Variants in CCSER1 observed in about 807,000 individuals in gnomAD.
CCSER1 encodes serine-rich coiled-coil domain-containing protein 1.
CCSER1 carries 41 observed loss-of-function variants against 82.0 expected under a neutral mutation model. The observed-to-expected ratio is 0.50, with a 90% CI of 0.39 to 0.65. CCSER1 has a LOEUF of 0.65. Among genes scored for constraint, CCSER1 ranks in the 30% least tolerant of loss-of-function variants. The pLI, the probability that CCSER1 is intolerant of heterozygous loss-of-function variation, is 0.00. For missense variants in CCSER1, 1,119 were observed against 1,064.2 expected (o/e 1.05, Z -0.72); for synonymous variants, 414 against 383.9 (o/e 1.08, Z -0.92).
At chr4:91,071,101 G>A (rs1721385912) in intron 9 of CCSER1, among the ~76,000 whole-genome samples, 1 of 152,142 alleles carries the variant, frequency 6.6e-6, no homozygotes, top group African/African-American at 2.4e-5. Flanking sequence ...ATACATGGAT[G>A]CTTAGAAAAG....
At chr4:90,154,344 A>G (rs902906458) in intron 1 of CCSER1, among the ~76,000 whole-genome samples, 5 of 152,138 alleles carry the variant, frequency 3.3e-5, no homozygotes, top group African/African-American at 1.2e-4. Context: ...TTGGCTTAGG[A>G]TTGACGTGGC....
chr4:90,711,038 T>C (rs1044329930), intron 6 of CCSER1, among the ~76,000 whole-genome samples: 1 of 152,144 alleles, frequency 6.6e-6, no homozygotes, highest in East Asian at 1.9e-4. Flanking sequence ...CTTGAAGATA[T>C]CCTTCACTTC....
At chr4:91,481,885 G>A (rs546298500) in intron 10 of CCSER1, among the ~76,000 whole-genome samples, 1 of 151,972 alleles carries the variant, frequency 6.6e-6, no homozygotes, top group Admixed American at 6.6e-5. Flanking sequence ...TCTGACAAAG[G>A]GCTAATATCT....
chr4:91,367,251 A>C (rs1332425549), intron 10 of CCSER1, among the ~76,000 whole-genome samples: 3 of 139,324 alleles, frequency 2.2e-5, no homozygotes, highest in Admixed American at 7.5e-5. Flanking sequence ...CAGGAGGTGG[A>C]GGTTGCAGTG....
chr4:90,910,139 C>G (rs542631914), intron 8 of CCSER1, among the ~76,000 whole-genome samples: 1 of 152,128 alleles, frequency 6.6e-6, no homozygotes, highest in East Asian at 1.9e-4. Context: ...GTGGGAAGGG[C>G]CATCCTTTTA....
At chr4:90,781,034 GA>G (rs1432448449) in intron 7 of CCSER1, 5 of 176,662 alleles carry the variant, frequency 2.8e-5, no homozygotes, top group Non-Finnish European at 5.5e-5. Context: ...ACAGAAACAA[GA>G]ACAAGGAAGG....
intron 8 of CCSER1, among the ~76,000 whole-genome samples, chr4:90,894,214 TTC>T (rs1723367178): frequency 6.6e-6 from 1 of 152,056 alleles, no homozygotes; most frequent in Non-Finnish European, 1.5e-5. Context: ...CAAAATTGTA[TTC>T]TGTTATGAAT....
chr4:90,398,754 C>T (rs1417262519), intron 3 of CCSER1, among the ~76,000 whole-genome samples: 3 of 152,114 alleles, frequency 2.0e-5, no homozygotes, highest in African/African-American at 7.2e-5. Flanking sequence ...TTATTCATTA[C>T]CTTCGTTTGG....
At chr4:91,325,059 C>T (rs1746458432) in intron 10 of CCSER1, 2 of 406,856 alleles carry the variant, frequency 4.9e-6, no homozygotes, top group South Asian at 1.8e-5. Context: ...ACCTGTGGGG[C>T]AAGGGGCTTG....
intron 8 of CCSER1, among the ~76,000 whole-genome samples, chr4:90,862,730 G>T (rs1765247254): frequency 6.6e-6 from 1 of 151,710 alleles, no homozygotes; most frequent in East Asian, 1.9e-4. Flanking sequence ...TATGTAGCTG[G>T]ACTCCACAAA....
intron 1 of CCSER1, among the ~76,000 whole-genome samples, chr4:90,257,104 G>A (rs183447688): frequency 6.6e-6 from 1 of 152,108 alleles, no homozygotes; most frequent in Admixed American, 6.6e-5. Context: ...GAAAATAGTG[G>A]TGGTCTTAAC....
intron 10 of CCSER1, among the ~76,000 whole-genome samples, chr4:91,172,571 TG>T (rs1732872286): frequency 6.6e-6 from 1 of 152,208 alleles, no homozygotes; most frequent in African/African-American, 2.4e-5. Context: ...TCATCTCACA[TG>T]CCGGGTGCTT....
At chr4:91,382,572 T>C (rs760792699) in intron 10 of CCSER1, among the ~76,000 whole-genome samples, 5 of 152,050 alleles carry the variant, frequency 3.3e-5, no homozygotes, top group African/African-American at 1.2e-4. Context: ...AGTATTAGGG[T>C]GAGAGTGACC....
In CCSER1 at chr4:90,322,505, A is replaced by G. The variant is rs533357570; in HGVS notation, c.1509+9458A>G. On this transcript the variant is annotated intron_variant, in intron 3 of 10. Coordinates refer to ENST00000509176, the MANE Select transcript of CCSER1 (RefSeq NM_001145065.2). ...ATCAAAATTTTAGGATCATTTTTCT[A>G]TATCTGTGAAGAATGTCATTAGTAT... Among the ~76,000 whole-genome samples the G allele has an allele frequency of 1.4e-4, 22 of 152,256 alleles. No individual in the cohort carries two copies. The South Asian group carries it at 3.3e-3, about 23-fold the overall frequency.
intron 10 of CCSER1, among the ~76,000 whole-genome samples, chr4:91,583,177 T>C (rs1442799401): frequency 1.3e-5 from 2 of 151,392 alleles, no homozygotes; most frequent in Non-Finnish European, 3.0e-5. Flanking sequence ...TAACACAATC[T>C]CTGATTATAT....
At chr4:91,215,596 T>C (rs1737178745) in intron 10 of CCSER1, among the ~76,000 whole-genome samples, 1 of 152,280 alleles carries the variant, frequency 6.6e-6, no homozygotes, top group Middle Eastern at 3.4e-3. Context: ...AATCTTTCCA[T>C]GTTCTACTGC....
chr4:90,513,374 C>T lies in CCSER1; in HGVS notation c.1724+45020C>T, dbSNP rs532744261. On this transcript the variant is annotated intron_variant, in intron 5 of 10. Transcript: ENST00000509176. The stretch of plus-strand genomic sequence containing the variant: ...AACTGATTTCATCAATGAATTGTAG[C>T]TCTCTTCAAGGTAGAAAAATTATTG... 2.1e-3 allele frequency among the ~76,000 whole-genome samples: 313 copies of T among 152,284 alleles called. 1 individual carries two copies. Among genetic ancestry groups the T allele is most frequent in the Non-Finnish European group, 3.4e-3 (230 of 68,024 alleles).
intron 1 of CCSER1, among the ~76,000 whole-genome samples, chr4:90,287,975 A>C (rs959807048): frequency 1.3e-5 from 2 of 150,962 alleles, no homozygotes; most frequent in South Asian, 2.1e-4. Flanking sequence ...AACAAAAAAA[A>C]CCCTGGGCAT....
intron 5 of CCSER1, among the ~76,000 whole-genome samples, chr4:90,488,721 T>A (rs1327626361): frequency 6.6e-6 from 1 of 152,172 alleles, no homozygotes; most frequent in South Asian, 2.1e-4. Context: ...AGGTACAAAA[T>A]AGAATGCTCG....
Sources: gnomAD v4.1 joint callset for allele counts (sites outside exome capture counted in the v4.1 genomes callset) on GRCh38, gnomAD v4.1.1 for gene constraint, MANE v1.5 for transcripts, NCBI Gene and HGNC (gene_info 2026-07-23, HGNC 2026-07-21) for gene names.